Variants in RPN2 observed in about 807,000 individuals in gnomAD.
RPN2 encodes the protein ribophorin II.
Under a neutral mutation model 71.4 loss-of-function variants are expected in RPN2, and 29 were observed. That is an observed-to-expected ratio of 0.41 (90% CI 0.30 to 0.55). The LOEUF (loss-of-function observed/expected upper bound fraction) is 0.55, where lower values mean the gene tolerates loss of function less well. Among genes scored for constraint, RPN2 ranks in the 20% least tolerant of loss-of-function variants. The pLI, the probability that RPN2 is intolerant of heterozygous loss-of-function variation, is 0.35. For synonymous variants in RPN2, 308 were observed against 305.0 expected, an observed-to-expected ratio of 1.01 and a Z score of -0.10; for missense variants, 726 against 774.1, an observed-to-expected ratio of 0.94 and a Z score of 0.74.
intron 16 of RPN2, among the ~76,000 whole-genome samples, chr20:37,237,815 C>T (rs989241338): frequency 3.3e-5 from 5 of 152,186 alleles, no homozygotes; most frequent in Non-Finnish European, 7.3e-5. Flanking sequence ...AACCCTGTTC[C>T]CTTGCAGCAC....
At position 37,234,079 on chromosome 20, in the gene RPN2, T is replaced by C; in HGVS notation, c.1737T>C (p.Phe579=). The C allele has an allele frequency of 6.2e-7, 1 of 1,614,214 alleles. No individual in the cohort carries two copies. The highest frequency in any genetic ancestry group is 8.5e-7 in the Non-Finnish European group (1 of 1,180,038). Residue 579 remains phenylalanine (F), a synonymous_variant, in exon 15 of 17, where the codon TTT becomes TTC. Transcript: ENST00000237530. ...CTTTTGCTCCTAGCACGATTATATTTCACCTGGGACATGCTGGTAAGTGCC... is the reference window on the plus strand; with the variant it reads ...CTTTTGCTCCTAGCACGATTATATTCCACCTGGGACATGCTGGTAAGTGCC... ...NFTFAPSTII[F]HLGHAAMLGL...
At position 37,204,873 on chromosome 20, in the gene RPN2, A is replaced by G. The variant is rs1374145589; in HGVS notation, c.662A>G (p.His221Arg). ...GCTGCCACCTACAAGCTCATGGATC[A>G]TGTGGGGACTGAGCCATCCATTAAG... ...FVAATYKLMD[H>R]VGTEPSIKED... Residue 221 changes from histidine to arginine, a missense_variant, in exon 6 of 17, where the codon CAT (histidine) becomes CGT (arginine). Transcript: ENST00000237530. 1.2e-6 allele frequency: 2 copies of G among 1,614,168 alleles called. No individual in the cohort carries two copies. Among genetic ancestry groups the G allele is most frequent in the African/African-American group, 1.3e-5 (1 of 75,042 alleles).
intron 6 of RPN2, among the ~76,000 whole-genome samples, chr20:37,205,255 G>T (rs1329104457): frequency 1.3e-5 from 2 of 151,878 alleles, no homozygotes; most frequent in Admixed American, 1.3e-4. Context: ...GGCTCATTCA[G>T]ATCCTTCTCT....
At chr20:37,183,698 T>C (rs2146507729) in intron 1 of RPN2, among the ~76,000 whole-genome samples, 1 of 152,306 alleles carries the variant, frequency 6.6e-6, no homozygotes, top group African/African-American at 2.4e-5. Flanking sequence ...TAGGGAGAGC[T>C]GCTTAAGGAA....
At position 37,225,815 on chromosome 20, in the gene RPN2, C is replaced by T; in HGVS notation, c.1299+13C>T. On this transcript the variant is annotated intron_variant, in intron 11 of 16. Transcript: ENST00000237530. Reference sequence around the variant, plus strand: ...CACTCCTCACCAGGTCAGGAAGACACCTAGACAGTTCTCTTAACCTGAAAT... The same window carrying T: ...CACTCCTCACCAGGTCAGGAAGACATCTAGACAGTTCTCTTAACCTGAAAT... 1 of 1,537,844 alleles carries T rather than the reference C, an allele frequency of 6.5e-7. No homozygotes were observed. Among genetic ancestry groups the T allele is most frequent in the Non-Finnish European group, 9.0e-7 (1 of 1,110,532 alleles).
chr20:37,226,423 C>T (rs138135692), intron 11 of RPN2, among the ~76,000 whole-genome samples: 208 of 152,214 alleles, frequency 1.4e-3, no homozygotes, highest in Non-Finnish European at 2.2e-3. Flanking sequence ...TGGTGGCTCA[C>T]GCCTGTAATC....
chr20:37,229,516 T>C (rs2068177450), intron 12 of RPN2, among the ~76,000 whole-genome samples: 1 of 152,128 alleles, frequency 6.6e-6, no homozygotes, highest in South Asian at 2.1e-4. Context: ...TTGACTCACT[T>C]TGCAAGACAA....
At position 37,238,409 on chromosome 20, in the gene RPN2, G is replaced by A. The variant is rs1477328644; in HGVS notation, c.1883+1700G>A. The A allele has an allele frequency of 3.1e-6, 5 of 1,608,694 alleles. No homozygotes were observed. The South Asian group carries it at 5.6e-5, about 18-fold the overall frequency. ...CCCTCTTTCCTTTGGCAGGATCGCTGCAGAGCAGAGCAGTAGATTGGCAAA... is the reference window on the plus strand; with the variant it reads ...CCCTCTTTCCTTTGGCAGGATCGCTACAGAGCAGAGCAGTAGATTGGCAAA... On this transcript the variant is annotated intron_variant, in intron 16 of 16. Coordinates refer to ENST00000237530, the MANE Select transcript of RPN2 (RefSeq NM_002951.5).
In RPN2 at chr20:37,212,512, G is replaced by A. The variant is rs561459799; in HGVS notation, c.987-1248G>A. Among the ~76,000 whole-genome samples the A allele has an allele frequency of 5.6e-4, 83 of 148,814 alleles. 1 individual carries two copies. In the South Asian group the frequency reaches 0.016, roughly 30 times the overall value. On this transcript the variant is annotated intron_variant, in intron 8 of 16. Coordinates refer to ENST00000237530, the MANE Select transcript of RPN2 (RefSeq NM_002951.5). The stretch of plus-strand genomic sequence containing the variant: ...TTTTTTTTTTTTTTGAGACAGTTTC[G>A]CTCTGTTGCCTGGGCTGGAATGCAG...
chr20:37,210,643 G>T (rs1230267659), intron 8 of RPN2, among the ~76,000 whole-genome samples: 1 of 150,370 alleles, frequency 6.7e-6, no homozygotes. Context: ...CGATTCTCCT[G>T]CCTCAATCTC....
At chr20:37,224,882 A>G (rs989281623) in intron 10 of RPN2, among the ~76,000 whole-genome samples, 2 of 152,174 alleles carry the variant, frequency 1.3e-5, no homozygotes, top group African/African-American at 4.8e-5. Context: ...TGGGTTGGCT[A>G]TTTTTGTAGT....
At chr20:37,193,411 T>C (rs1482602899) in intron 2 of RPN2, among the ~76,000 whole-genome samples, 1 of 151,874 alleles carries the variant, frequency 6.6e-6, no homozygotes, top group Non-Finnish European at 1.5e-5. Flanking sequence ...ACATTTGAGA[T>C]TGAAAGGAGG....
chr20:37,208,267 TAAAA>T (rs33943502), intron 7 of RPN2, among the ~76,000 whole-genome samples: 325 of 141,498 alleles, frequency 2.3e-3, no homozygotes, highest in Middle Eastern at 7.4e-3. Context: ...AGACCCTGTC[TAAAA>T]AAAAAAAAAA....
chr20:37,191,858 G>A (rs142255546), intron 2 of RPN2, among the ~76,000 whole-genome samples: 35 of 152,192 alleles, frequency 2.3e-4, no homozygotes, highest in African/African-American at 8.2e-4. Flanking sequence ...GGGGTGGGAG[G>A]ATCACTTGAG....
chr20:37,206,792 T>C (rs1266666307), intron 6 of RPN2, among the ~76,000 whole-genome samples: 1 of 152,090 alleles, frequency 6.6e-6, no homozygotes, highest in East Asian at 1.9e-4. Context: ...CACTGCAACC[T>C]CCACCTCCTG....
At chr20:37,203,099 A>T (rs2067429548) in intron 4 of RPN2, among the ~76,000 whole-genome samples, 1 of 151,956 alleles carries the variant, frequency 6.6e-6, no homozygotes, top group Non-Finnish European at 1.5e-5. Flanking sequence ...TAATATTTAA[A>T]TTTTTTGTAA....
intron 2 of RPN2, among the ~76,000 whole-genome samples, chr20:37,185,219 A>C (rs1342281860): frequency 6.7e-6 from 1 of 149,268 alleles, no homozygotes; most frequent in Non-Finnish European, 1.5e-5. Flanking sequence ...GGCTCACTGC[A>C]GTCTCTGTCT....
At chr20:37,225,544 C>A in intron 10 of RPN2, 144 bp from the exon 11 acceptor site, 1 of 708,868 alleles carries the variant, frequency 1.4e-6, no homozygotes, top group Admixed American at 2.0e-5. Flanking sequence ...AGGTTGCAGA[C>A]AGTTCTCCAC....
At chr20:37,236,555 G>A (rs752046325) in intron 15 of RPN2, 25 bp from the exon 16 acceptor site, 2 of 1,613,514 alleles carry the variant, frequency 1.2e-6, no homozygotes, top group Non-Finnish European at 8.5e-7. Context: ...CATTTAATTG[G>A]ATGTCATGAC....
Sources: gnomAD v4.1 joint callset for allele counts (sites outside exome capture counted in the v4.1 genomes callset) on GRCh38, gnomAD v4.1.1 for gene constraint, MANE v1.5 for transcripts, NCBI Gene and HGNC (gene_info 2026-07-23, HGNC 2026-07-21) for gene names.